CALCRL: variants seen among roughly 807,000 people sequenced by gnomAD.
CALCRL encodes the protein calcitonin gene-related peptide type 1 receptor.
CALCRL carries 27 observed loss-of-function variants against 60.4 expected under a neutral mutation model. That is an observed-to-expected ratio of 0.45 (90% CI 0.33 to 0.62). The LOEUF (loss-of-function observed/expected upper bound fraction) is 0.62. CALCRL is among the 20% of genes least tolerant of loss of function. The pLI, the probability that CALCRL is intolerant of heterozygous loss-of-function variation, is 0.03. For missense variants in CALCRL, 424 were observed against 540.7 expected, an observed-to-expected ratio of 0.78 and a Z score of 2.14; for synonymous variants, 190 against 182.6, an observed-to-expected ratio of 1.04 and a Z score of -0.33.
chr2:187,442,316 A>C (rs1690958123), intron 1 of CALCRL, among the ~76,000 whole-genome samples: 1 of 150,994 alleles, frequency 6.6e-6, no homozygotes, highest in Non-Finnish European at 1.5e-5. Context: ...CAAAAAGGAG[A>C]TCCTATGAAA....
intron 1 of CALCRL, among the ~76,000 whole-genome samples, chr2:187,434,473 A>G (rs1298219182): frequency 6.6e-6 from 1 of 152,200 alleles, no homozygotes; most frequent in Non-Finnish European, 1.5e-5. Flanking sequence ...CAACAATTAA[A>G]AAGTTTGACA....
chr2:187,387,193 T>A (rs563317020), intron 3 of CALCRL, 136 bp downstream of exon 3: 1 of 152,360 alleles, frequency 6.6e-6, no homozygotes, highest in East Asian at 1.9e-4. Flanking sequence ...AGGGCTAATT[T>A]GGGAAAAATA....
At chr2:187,427,137 A>G (rs923432886) in intron 1 of CALCRL, among the ~76,000 whole-genome samples, 2 of 152,124 alleles carry the variant, frequency 1.3e-5, no homozygotes, top group African/African-American at 2.4e-5. Flanking sequence ...AAAAGAGGAA[A>G]AGGAAGATTG....
intron 8 of CALCRL, among the ~76,000 whole-genome samples, chr2:187,368,562 G>A (rs1486270152): frequency 6.6e-6 from 1 of 151,980 alleles, no homozygotes; most frequent in African/African-American, 2.4e-5. Context: ...AAATATTATA[G>A]TACTTCATCT....
At position 187,343,268 on chromosome 2, in the gene CALCRL, C is replaced by T. The variant is rs183613565; in HGVS notation, c.*2916G>A. On this transcript the variant is annotated 3_prime_UTR_variant, in exon 15 of 15. Transcript: ENST00000392370. ...TATGTTTATAAATTAGATTATTTGGCACTGTAGTAAATATCAGTGAAAATA... is the reference window on the plus strand; with the variant it reads ...TATGTTTATAAATTAGATTATTTGGTACTGTAGTAAATATCAGTGAAAATA... The T allele has an allele frequency of 6.6e-6, 1 of 151,714 alleles. No homozygotes were observed. The highest frequency in any genetic ancestry group is 2.4e-5 in the African/African-American group (1 of 41,510). 9.4% of individuals were successfully genotyped at this position (151,714 alleles called of 1,614,324 possible).
At position 187,343,722 on chromosome 2, in the gene CALCRL, G is replaced by C. The variant is rs1686172900; in HGVS notation, c.*2462C>G. The C allele has an allele frequency of 6.6e-6, 1 of 151,492 alleles. No homozygotes were observed. The highest frequency in any genetic ancestry group is 1.5e-5 in the Non-Finnish European group (1 of 67,578). 9.4% of individuals were successfully genotyped at this position (151,492 alleles called of 1,614,324 possible). ...CCAAATTTATTTTTTTGACAGCAAA[G>C]AAGTTTGCTTTAAAAAAAGTGTCAG... On this transcript the variant is annotated 3_prime_UTR_variant, in exon 15 of 15. Transcript: ENST00000392370.
At chr2:187,420,721 G>A (rs7599181) in intron 1 of CALCRL, among the ~76,000 whole-genome samples, 5,859 of 151,998 alleles carry the variant, frequency 0.039, 360 homozygotes, top group African/African-American at 0.13. Flanking sequence ...AGAGGTGTAG[G>A]GAACACTAGG....
intron 5 of CALCRL, among the ~76,000 whole-genome samples, chr2:187,382,441 T>C (rs1328320781): frequency 1.3e-5 from 2 of 152,226 alleles, no homozygotes; most frequent in African/African-American, 2.4e-5. Context: ...TTACATAATA[T>C]ACAGCAAGAA....
At chr2:187,356,724 A>G (rs1184552916) in intron 12 of CALCRL, among the ~76,000 whole-genome samples, 1 of 152,194 alleles carries the variant, frequency 6.6e-6, no homozygotes, top group African/African-American at 2.4e-5. Flanking sequence ...CTACCTACAG[A>G]ATGGGAGAAA....
At chr2:187,436,986 A>T (rs1476200512) in intron 1 of CALCRL, among the ~76,000 whole-genome samples, 1 of 152,120 alleles carries the variant, frequency 6.6e-6, no homozygotes, top group Non-Finnish European at 1.5e-5. Flanking sequence ...TCTTAAAGTC[A>T]TATCTTTCTA....
At chr2:187,383,056 C>G (rs1688045171) in intron 5 of CALCRL, 117 bp downstream of exon 5, 1 of 998,150 alleles carries the variant, frequency 1.0e-6, no homozygotes, top group Non-Finnish European at 1.5e-6. Context: ...TGCACATATA[C>G]AAAAAGGTAG....
chr2:187,383,192 G>T lies in CALCRL; in HGVS notation c.165C>A (p.Asp55Glu). ...GCTTACCTTCTGCTTGTTGAATGGGGTCTTGCATAATCTTTTGGTAACATT... is the reference window on the plus strand; with the variant it reads ...GCTTACCTTCTGCTTGTTGAATGGGTTCTTGCATAATCTTTTGGTAACATT... ...QYECYQKIMQ[D>E]PIQQAEGVYC... The change falls in exon 5 of 15, where the codon GAC becomes GAA. Residue 55 changes from aspartate (D) to glutamate (E), a missense_variant. By Grantham distance (45) the Asp-to-Glu change is conservative. This residue lies in a region of CALCRL where 108 missense variants were observed against 132.9 expected (regional missense o/e 0.81). Coordinates refer to ENST00000392370, the MANE Select transcript of CALCRL (RefSeq NM_005795.6). 1 of 1,610,162 alleles carries T rather than the reference G, an allele frequency of 6.2e-7. No individual in the cohort carries two copies. The highest frequency in any genetic ancestry group is 8.5e-7 in the Non-Finnish European group (1 of 1,179,212).
At position 187,352,307 on chromosome 2, in the gene CALCRL, A is replaced by G. The variant is rs775873779; in HGVS notation, c.935T>C (p.Ile312Thr). 37 of 1,609,232 alleles carry G rather than the reference A, an allele frequency of 2.3e-5. No individual in the cohort carries two copies. The highest frequency in any genetic ancestry group is 2.5e-6 in the Non-Finnish European group (3 of 1,176,756). ...LLVNLFFLLN[I>T]VRVLITKLKV... ...TAACTTGGTGATGAGAACGCGTACAATATTTAACAAGAAAAAAAGATTCAC... is the reference window on the plus strand; with the variant it reads ...TAACTTGGTGATGAGAACGCGTACAGTATTTAACAAGAAAAAAAGATTCAC... Residue 312 changes from isoleucine (I) to threonine (T), a missense_variant, in exon 13 of 15, where the codon ATT becomes ACT. By Grantham distance (89) the Ile-to-Thr change is moderately conservative. This residue lies in a region of CALCRL where 222 missense variants were observed against 265.6 expected (regional missense o/e 0.84). Transcript: ENST00000392370.
At chr2:187,392,733 A>T (rs1485786172) in intron 1 of CALCRL, among the ~76,000 whole-genome samples, 1 of 152,024 alleles carries the variant, frequency 6.6e-6, no homozygotes, top group Admixed American at 6.6e-5. Context: ...TAGAGACAGG[A>T]TGTCACTCTG....
At position 187,343,262 on chromosome 2, in the gene CALCRL, A is replaced by T. The variant is rs1327736423; in HGVS notation, c.*2922T>A. 6.6e-6 allele frequency: 1 copy of T among 151,730 alleles called. No homozygotes were observed. Among genetic ancestry groups the T allele is most frequent in the East Asian group, 1.9e-4 (1 of 5,192 alleles). The allele number at this position is 151,730 out of a possible 1,614,324, so 9.4% of individuals were successfully genotyped here. On this transcript the variant is annotated 3_prime_UTR_variant, in exon 15 of 15. Transcript: ENST00000392370. ...AAGAATTATGTTTATAAATTAGATT[A>T]TTTGGCACTGTAGTAAATATCAGTG...
intron 1 of CALCRL, among the ~76,000 whole-genome samples, chr2:187,400,011 G>A (rs957969755): frequency 1.3e-5 from 2 of 151,310 alleles, no homozygotes; most frequent in Non-Finnish European, 3.0e-5. Context: ...GATAGGAGGA[G>A]TAAGTTCTGG....
At chr2:187,377,207 T>C (rs1687793817) in intron 8 of CALCRL, among the ~76,000 whole-genome samples, 1 of 152,138 alleles carries the variant, frequency 6.6e-6, no homozygotes, top group Non-Finnish European at 1.5e-5. Flanking sequence ...TATTTGAAAC[T>C]ACTATTCTGG....
intron 12 of CALCRL, among the ~76,000 whole-genome samples, chr2:187,356,313 G>A (rs1318211083): frequency 6.6e-6 from 1 of 152,084 alleles, no homozygotes; most frequent in Non-Finnish European, 1.5e-5. Context: ...CAGATACATA[G>A]ACCAATTAAA....
chr2:187,414,479 C>G (rs1040307316), intron 1 of CALCRL, among the ~76,000 whole-genome samples: 1 of 152,110 alleles, frequency 6.6e-6, no homozygotes, highest in Non-Finnish European at 1.5e-5. Flanking sequence ...ATTTAAAATT[C>G]ACTTTGCATT....
Sources: gnomAD v4.1 joint callset for allele counts (sites outside exome capture counted in the v4.1 genomes callset) on GRCh38, gnomAD v4.1.1 for gene constraint, gnomAD v4.1.1 regional missense constraint, MANE v1.5 for transcripts, NCBI Gene and HGNC (gene_info 2026-07-23, HGNC 2026-07-21) for gene names.